RB1: variants seen among roughly 807,000 people sequenced by gnomAD.
RB1 encodes RB transcriptional corepressor 1, also known as retinoblastoma-associated protein.
In RB1, 18 loss-of-function variants were observed where a neutral mutation model predicts 135.4. The observed-to-expected ratio is 0.13, with a 90% CI of 0.09 to 0.20. The LOEUF is 0.20. Ranked by LOEUF, RB1 falls within the 10% of genes least tolerant of loss-of-function variation. RB1 has a pLI of 1.00. For missense variants in RB1, 868 were observed against 1,110.0 expected (o/e 0.78, Z 3.10); for synonymous variants, 365 against 373.2 (o/e 0.98, Z 0.25).
intron 6 of RB1, among the ~76,000 whole-genome samples, chr13:48,353,217 A>C (rs1411952672): frequency 6.6e-6 from 1 of 152,154 alleles, no homozygotes; most frequent in African/African-American, 2.4e-5. Context: ...TTAACTAAGG[A>C]AAAAAGAGAG....
intron 17 of RB1, among the ~76,000 whole-genome samples, chr13:48,439,097 C>T (rs1482553136): frequency 1.3e-5 from 2 of 152,142 alleles, no homozygotes; most frequent in African/African-American, 4.8e-5. Context: ...AGGAACGTGA[C>T]TCCCATACTA....
At position 48,453,093 on chromosome 13, in the gene RB1, A is replaced by G. The variant is rs3092896; in HGVS notation, c.1796A>G (p.Asn599Ser). 1 of 1,612,820 alleles carries G rather than the reference A, an allele frequency of 6.2e-7. No individual in the cohort carries two copies. Among genetic ancestry groups the G allele is most frequent in the Non-Finnish European group, 8.5e-7 (1 of 1,179,652 alleles). Reference sequence around the variant, plus strand: ...CCTCTTAATCTTCCTCTCCAGAATAATCACACTGCAGCAGATATGTAAGCA... The same window carrying G: ...CCTCTTAATCTTCCTCTCCAGAATAGTCACACTGCAGCAGATATGTAAGCA... Reference protein sequence around the residue: ...ACPLNLPLQNNHTAADMYLSP... With the variant: ...ACPLNLPLQNSHTAADMYLSP... The change falls in exon 18 of 27, where the codon AAT (asparagine) becomes AGT (serine). Residue 599 changes from asparagine (N) to serine (S), a missense_variant. Transcript: ENST00000267163.
At chr13:48,396,661 C>T (rs1274533752) in intron 17 of RB1, among the ~76,000 whole-genome samples, 1 of 152,140 alleles carries the variant, frequency 6.6e-6, no homozygotes, top group Non-Finnish European at 1.5e-5. Flanking sequence ...TCTAATTAAA[C>T]TAAAGAGCTT....
intron 17 of RB1, among the ~76,000 whole-genome samples, chr13:48,430,973 T>C (rs984795148): frequency 6.6e-6 from 1 of 152,154 alleles, no homozygotes; most frequent in Non-Finnish European, 1.5e-5. Context: ...CTAAGTATTA[T>C]ATAAAATCTA....
intron 17 of RB1, among the ~76,000 whole-genome samples, chr13:48,392,466 T>C (rs983194758): frequency 2.0e-5 from 3 of 152,176 alleles, no homozygotes; most frequent in African/African-American, 7.2e-5. Flanking sequence ...GTATTTCATG[T>C]TGAATACCTT....
chr13:48,414,456 A>AT (rs1948874435), intron 17 of RB1, among the ~76,000 whole-genome samples: 1 of 152,034 alleles, frequency 6.6e-6, no homozygotes, highest in Non-Finnish European at 1.5e-5. Context: ...AAGATTGAGG[A>AT]TATCACAACC....
At chr13:48,324,766 A>T (rs1342066845) in intron 2 of RB1, among the ~76,000 whole-genome samples, 2 of 151,154 alleles carry the variant, frequency 1.3e-5, no homozygotes, top group Non-Finnish European at 2.9e-5. Context: ...TTTTATTTTT[A>T]TTTTTTTGAG....
In RB1 at chr13:48,473,521, A is replaced by T; in HGVS notation, c.2520+131A>T. On this transcript the variant is annotated intron_variant, in intron 24 of 26. Transcript: ENST00000267163. The stretch of plus-strand genomic sequence containing the variant: ...ATCCAGGCATATTGCATAGAATTTT[A>T]TGAGATATATATATCTCAGATTTAC... The T allele has an allele frequency of 6.9e-6, 5 of 724,150 alleles. No homozygotes were observed. In the South Asian group the frequency reaches 8.3e-5, roughly 12 times the overall value. The allele number at this position is 724,150 out of a possible 1,614,324, so 44.9% of individuals were successfully genotyped here.
intron 23 of RB1, among the ~76,000 whole-genome samples, chr13:48,465,716 C>T (rs551634188): frequency 3.4e-4 from 51 of 151,352 alleles, no homozygotes; most frequent in South Asian, 6.3e-4. Context: ...GTGTGCGAGC[C>T]GAAGCAGGGC....
intron 17 of RB1, among the ~76,000 whole-genome samples, chr13:48,382,981 G>A (rs1032667556): frequency 6.6e-6 from 1 of 151,992 alleles, no homozygotes; most frequent in South Asian, 2.1e-4. Flanking sequence ...TTTTTGTCAG[G>A]TTTGTCAAAG....
intron 2 of RB1, among the ~76,000 whole-genome samples, chr13:48,336,522 T>C (rs1229777631): frequency 6.6e-6 from 1 of 152,014 alleles, no homozygotes; most frequent in African/African-American, 2.4e-5. Context: ...CTGTGGGATC[T>C]GTGGTGATAT....
intron 7 of RB1, chr13:48,360,378 C>A: frequency 1.6e-6 from 1 of 611,268 alleles, no homozygotes; most frequent in South Asian, 2.8e-5. Context: ...AAAGTTTTTC[C>A]AGCTGTGGAA....
intron 3 of RB1, among the ~76,000 whole-genome samples, chr13:48,344,450 G>GT (rs772145724): frequency 1.3e-5 from 2 of 152,122 alleles, no homozygotes; most frequent in Non-Finnish European, 2.9e-5. Flanking sequence ...TAAGCAGGGT[G>GT]TGCAGGCAGC....
At chr13:48,437,391 A>C (rs1273662967) in intron 17 of RB1, among the ~76,000 whole-genome samples, 1 of 152,218 alleles carries the variant, frequency 6.6e-6, no homozygotes, top group Non-Finnish European at 1.5e-5. Flanking sequence ...AAAAAAGATC[A>C]ATTGCTATAT....
chr13:48,341,156 A>G (rs1952439450), intron 2 of RB1: 1 of 151,982 alleles, frequency 6.6e-6, no homozygotes, highest in Admixed American at 6.6e-5. Flanking sequence ...CTTTTCTAGA[A>G]TTTCATATGA....
At chr13:48,305,617 A>G (rs1374071109) in intron 1 of RB1, among the ~76,000 whole-genome samples, 1 of 151,930 alleles carries the variant, frequency 6.6e-6, no homozygotes, top group African/African-American at 2.4e-5. Context: ...TTTTTAACTC[A>G]TTTTATATAT....
rs552116253 is a variant in RB1, at chr13:48,369,650, T to TCA, written c.1127+1046_1127+1047insCA. Among the ~76,000 whole-genome samples, 846 of 152,358 alleles carry TCA rather than the reference T, an allele frequency of 5.6e-3. 5 individuals are homozygous for TCA. The highest frequency in any genetic ancestry group is 0.01 in the Middle Eastern group (3 of 294). Reference sequence around the variant, plus strand: ...GTGTTAGCCACACTTTGGCCTTCTCTGTTTCTTGGGCTTTCCAAGTTTTTT... The same window carrying TCA: ...GTGTTAGCCACACTTTGGCCTTCTCTCAGTTTCTTGGGCTTTCCAAGTTTTTT... On this transcript the variant is annotated intron_variant, in intron 11 of 26. Coordinates refer to ENST00000267163, the MANE Select transcript of RB1 (RefSeq NM_000321.3).
At chr13:48,393,552 C>T (rs983662656) in intron 17 of RB1, among the ~76,000 whole-genome samples, 1 of 152,180 alleles carries the variant, frequency 6.6e-6, no homozygotes, top group Non-Finnish European at 1.5e-5. Flanking sequence ...AATCTGGTCC[C>T]TGTTTCTTCA....
At chr13:48,418,687 G>A (rs1483884329) in intron 17 of RB1, among the ~76,000 whole-genome samples, 6 of 146,758 alleles carry the variant, frequency 4.1e-5, no homozygotes, top group Non-Finnish European at 9.0e-5. Flanking sequence ...AATGGAGGAA[G>A]ATTTACCAAG....
Sources: allele counts gnomAD v4.1 joint callset (sites outside exome capture counted in the v4.1 genomes callset), GRCh38; gene constraint gnomAD v4.1.1; transcripts MANE v1.5; gene names NCBI Gene and HGNC (gene_info 2026-07-23, HGNC 2026-07-21).